CNOT1: variants seen among roughly 807,000 people sequenced by gnomAD.
CNOT1 encodes the protein CCR4-associated factor 1.
A neutral mutation model predicts 273.8 loss-of-function variants in CNOT1; 15 were observed. That is an observed-to-expected ratio of 0.05 (90% CI 0.04 to 0.08). The LOEUF (loss-of-function observed/expected upper bound fraction) is 0.08, where lower values mean the gene tolerates loss of function less well. Ranked by LOEUF, CNOT1 falls within the 10% of genes least tolerant of loss-of-function variation. The pLI, the probability that CNOT1 is intolerant of heterozygous loss-of-function variation, is 1.00. For missense variants in CNOT1, 1,644 were observed against 2,912.2 expected (o/e 0.56, Z 10.02); for synonymous variants, 1,022 against 1,005.5 (o/e 1.02, Z -0.31).
intron 43 of CNOT1, among the ~76,000 whole-genome samples, chr16:58,529,840 C>CA (rs58854069): frequency 0.012 from 812 of 69,368 alleles, 61 homozygotes; most frequent in Non-Finnish European, 0.016. Context: ...GACTCTGTCT[C>CA]AAAAAAAAAA....
chr16:58,531,878 A>C, intron 42 of CNOT1, 80 bp downstream of exon 42: 1 of 1,497,496 alleles, frequency 6.7e-7, no homozygotes, highest in South Asian at 1.2e-5. Flanking sequence ...TAAATGACTA[A>C]TAGAAATCTA....
At chr16:58,592,940 C>T (rs548926202) in intron 2 of CNOT1, among the ~76,000 whole-genome samples, 3 of 152,186 alleles carry the variant, frequency 2.0e-5, no homozygotes, top group African/African-American at 7.2e-5. Context: ...GAGGAGGCGG[C>T]AACCATTACC....
chr16:58,585,255 AGG>A, intron 8 of CNOT1, 81 bp downstream of exon 8: 1 of 1,568,652 alleles, frequency 6.4e-7, no homozygotes, highest in South Asian at 1.2e-5. Flanking sequence ...ATTAACTTTA[AGG>A]AATTTTAGAG....
At chr16:58,545,224 T>G (rs1856249689) in intron 30 of CNOT1, 137 bp downstream of exon 30, 42 of 1,401,704 alleles carry the variant, frequency 3.0e-5, no homozygotes, top group Non-Finnish European at 3.3e-5. Flanking sequence ...ACAGCAGTTC[T>G]AGATCTCCAT....
intron 17 of CNOT1, among the ~76,000 whole-genome samples, chr16:58,559,475 T>C (rs76266737): frequency 0.015 from 2,278 of 151,636 alleles, 44 homozygotes; most frequent in African/African-American, 0.053. Flanking sequence ...ATAAATTTAG[T>C]CGAAATTTGG....
At chr16:58,612,070 G>C (rs538285997) in intron 1 of CNOT1, among the ~76,000 whole-genome samples, 7 of 152,102 alleles carry the variant, frequency 4.6e-5, no homozygotes, top group East Asian at 3.9e-4. Flanking sequence ...CTGGACTCAA[G>C]TGATCCTCCC....
In CNOT1 at chr16:58,546,447, T is replaced by C; in HGVS notation, c.3880A>G (p.Ile1294Val). The part of the protein sequence containing the change: ...EVLCKNLALD[I>V]NELKPGNLLK... ...AGGTTTCCAGGTTTTAGCTCATTGA[T>C]GTCTAATGCAAGGTTCTTGCAGAGA... The change falls in exon 29 of 49, where the codon ATC becomes GTC. Residue 1294 changes from isoleucine (I) to valine (V), a missense_variant. By Grantham distance (29) the Ile-to-Val change is conservative (BLOSUM62 3). Coordinates refer to ENST00000317147, the MANE Select transcript of CNOT1 (RefSeq NM_016284.5). 1 of 1,614,016 alleles carries C rather than the reference T, an allele frequency of 6.2e-7. No homozygotes were observed. Among genetic ancestry groups the C allele is most frequent in the Non-Finnish European group, 8.5e-7 (1 of 1,179,942 alleles).
chr16:58,606,719 G>T (rs7196236), intron 1 of CNOT1, among the ~76,000 whole-genome samples: 114,151 of 151,704 alleles, frequency 0.75, 43,361 homozygotes, highest in Middle Eastern at 0.86. Context: ...AGGGAGAATC[G>T]CTTGAACATG....
chr16:58,564,358 A>G (rs939336686), intron 16 of CNOT1, among the ~76,000 whole-genome samples: 3 of 129,344 alleles, frequency 2.3e-5, no homozygotes, highest in Non-Finnish European at 5.6e-5. Flanking sequence ...TTAAAAAGAA[A>G]CTGTTCCAAA....
chr16:58,528,477 T>C lies in CNOT1; in HGVS notation c.6451A>G (p.Lys2151Glu). Reference sequence around the variant, plus strand: ...CCTTTAACTAGTTGGAACCTTACCTTTAGATTAGGAGTGAATGGGTCGGGG... The same window carrying C: ...CCTTTAACTAGTTGGAACCTTACCTCTAGATTAGGAGTGAATGGGTCGGGG... ...RLPDPFTPNL[K>E]VDMLSEINIA... is the part of the protein sequence containing the mutation. Residue 2151 changes from lysine to glutamate, a missense_variant and splice_region_variant, in exon 44 of 49, where the codon AAG becomes GAG. Around this residue, in one of 13 missense-constraint regions of CNOT1, gnomAD observed 140 missense variants for 324.6 expected, o/e 0.43. Coordinates refer to ENST00000317147, the MANE Select transcript of CNOT1 (RefSeq NM_016284.5). 1 of 1,609,208 alleles carries C rather than the reference T, an allele frequency of 6.2e-7. No homozygotes were observed. Among genetic ancestry groups the C allele is most frequent in the Non-Finnish European group, 8.5e-7 (1 of 1,177,270 alleles).
Position 58,590,091 on chromosome 16 carries a change from T to C in CNOT1, c.103-1185A>G, listed in dbSNP as rs147084094. ...CTGCACATCTAGTCTAGAAAATAAT[T>C]GAGCACAGTGTATGTGCAGAGTAAT... On this transcript the variant is annotated intron_variant, in intron 2 of 48. Coordinates refer to ENST00000317147, the MANE Select transcript of CNOT1 (RefSeq NM_016284.5). Among the ~76,000 whole-genome samples, 604 of 152,358 alleles carry C rather than the reference T, an allele frequency of 4.0e-3. 7 individuals carry two copies. The highest frequency in any genetic ancestry group is 0.012 in the East Asian group (60 of 5,184).
intron 30 of CNOT1, among the ~76,000 whole-genome samples, 193 bp downstream of exon 30, chr16:58,545,168 G>C (rs2040215861): frequency 6.6e-6 from 1 of 152,186 alleles, no homozygotes; most frequent in Non-Finnish European, 1.5e-5. Context: ...CTAACATCTA[G>C]TCACTCTATC....
chr16:58,520,855 G>T lies in CNOT1; in HGVS notation c.*103C>A. 2 of 1,213,054 alleles carry T rather than the reference G, an allele frequency of 1.6e-6. No homozygotes were observed. The highest frequency in any genetic ancestry group is 2.4e-6 in the Non-Finnish European group (2 of 835,010). 75.1% of individuals were successfully genotyped at this position (1,213,054 alleles called of 1,614,324 possible). On this transcript the variant is annotated 3_prime_UTR_variant, in exon 49 of 49. Transcript: ENST00000317147. ...TGGGGCAGATACCCACAAACCAAAG[G>T]GCTGGGAAAGTCAGGAAGAGCTGAA...
At chr16:58,584,814 T>A (rs1309713563) in intron 8 of CNOT1, among the ~76,000 whole-genome samples, 1 of 152,264 alleles carries the variant, frequency 6.6e-6, no homozygotes, top group East Asian at 1.9e-4. Flanking sequence ...CCTTAATAAT[T>A]TGCTTTTAGA....
Position 58,586,654 on chromosome 16 carries a change from T to G in CNOT1, c.528A>C (p.Ile176=). The G allele has an allele frequency of 6.2e-7, 1 of 1,613,234 alleles. No homozygotes were observed. The highest frequency in any genetic ancestry group is 8.5e-7 in the Non-Finnish European group (1 of 1,179,866). ...SGNQEGGFQD[I]AIEVLHLLLS... ...GGAGGAGGTGTAGGACCTCTATTGC[T>G]ATATCTTGGAAGCCACCTTCTTGAT... Residue 176 remains isoleucine (I), a synonymous_variant, in exon 7 of 49, where the codon ATA becomes ATC. Coordinates refer to ENST00000317147, the MANE Select transcript of CNOT1 (RefSeq NM_016284.5).
At chr16:58,560,187 T>C in intron 17 of CNOT1, 25 bp downstream of exon 17, 2 of 1,608,992 alleles carry the variant, frequency 1.2e-6, no homozygotes, top group Non-Finnish European at 8.5e-7. Context: ...CAAATGAAGA[T>C]GTATCAAATG....
In CNOT1 at chr16:58,554,940, A is replaced by AAAAAAAG. The variant is rs1567403787; in HGVS notation, c.2891+310_2891+311insCTTTTTT. Among the ~76,000 whole-genome samples, 5 of 71,548 alleles carry AAAAAAAG rather than the reference A, an allele frequency of 7.0e-5. 1 individual carries two copies. The highest frequency in any genetic ancestry group is 2.8e-4 in the African/African-American group (3 of 10,852). The allele number at this position is 71,548 out of a possible 152,430, so 46.9% of individuals were successfully genotyped here. On this transcript the variant is annotated intron_variant, in intron 21 of 48. Transcript: ENST00000317147. ...GACAGAGCAAGACTCCATCTCAAAA[A>AAAAAAAG]AAAAAAAAAAAAAGCTTCAGGCCAG...
Position 58,526,079 on chromosome 16 carries a change from T to C in CNOT1, c.6513A>G (p.Val2171=), listed in dbSNP as rs2039571519. ...AATCCTTTTTGAACTGAGGTGGCAT[T>C]ACTCCAGTGAAATTGGTGAGAATCC... is the stretch of plus-strand genomic sequence containing the variant. ...APRILTNFTG[V]MPPQFKKDLD... The change falls in exon 45 of 49, where the codon GTA becomes GTG. Residue 2171 remains valine, a synonymous_variant. Coordinates refer to ENST00000317147, the MANE Select transcript of CNOT1 (RefSeq NM_016284.5). 6.2e-7 allele frequency: 1 copy of C among 1,613,930 alleles called. No homozygotes were observed. Among genetic ancestry groups the C allele is most frequent in the Non-Finnish European group, 8.5e-7 (1 of 1,179,932 alleles).
At position 58,543,533 on chromosome 16, in the gene CNOT1, T is replaced by C. The variant is rs909427275; in HGVS notation, c.4434+74A>G. On this transcript the variant is annotated intron_variant, in intron 31 of 48. Coordinates refer to ENST00000317147, the MANE Select transcript of CNOT1 (RefSeq NM_016284.5). Reference sequence around the variant, plus strand: ...AAGTGGTAACGCCCAGTGCCATATATAGACAAAGAAAAAAATTATTACAGA... The same window carrying C: ...AAGTGGTAACGCCCAGTGCCATATACAGACAAAGAAAAAAATTATTACAGA... The C allele has an allele frequency of 1.8e-5, 29 of 1,608,222 alleles. No homozygotes were observed. The Admixed American group carries it at 2.4e-4, about 13-fold the overall frequency.
Sources: gnomAD v4.1 joint callset for allele counts (sites outside exome capture counted in the v4.1 genomes callset) on GRCh38, gnomAD v4.1.1 for gene constraint, gnomAD v4.1.1 regional missense constraint, MANE v1.5 for transcripts, NCBI Gene and HGNC (gene_info 2026-07-23, HGNC 2026-07-21) for gene names.